LAMB4: variants seen among roughly 807,000 people sequenced by gnomAD.
The protein encoded by LAMB4 is laminin subunit beta 4.
LAMB4 carries 196 observed loss-of-function variants against 199.2 expected under a neutral mutation model. That is an observed-to-expected ratio of 0.98 (90% confidence interval 0.88 to 1.11). LAMB4 has a LOEUF of 1.11. Among genes scored for constraint, LAMB4 ranks in the 50% least tolerant of loss-of-function variants. The pLI is 0.00. For missense variants in LAMB4, 2,080 were observed against 2,171.2 expected, an observed-to-expected ratio of 0.96 and a Z score of 0.83; for synonymous variants, 744 against 770.6, an observed-to-expected ratio of 0.97 and a Z score of 0.57.
intron 14 of LAMB4, among the ~76,000 whole-genome samples, chr7:108,091,010 C>T (rs978102722): frequency 4.6e-5 from 7 of 152,046 alleles, no homozygotes; most frequent in African/African-American, 1.4e-4. Context: ...AGAATTAGTC[C>T]CCCTTGTTTT....
the LAMB4 span, among the ~76,000 whole-genome samples, chr7:108,017,211 G>T: frequency 2.0e-3 from 301 of 152,258 alleles, 1 homozygote; most frequent in African/African-American, 7.1e-3. Flanking sequence ...TTAGGGAGGG[G>T]GAAGCCTTCT....
chr7:108,085,392 C>T (rs1185928581), intron 14 of LAMB4, among the ~76,000 whole-genome samples: 4 of 152,096 alleles, frequency 2.6e-5, no homozygotes, highest in Non-Finnish European at 2.9e-5. Context: ...TGGCACTGCA[C>T]TCTGCAAAGA....
rs909186204 is a variant in LAMB4 at position 108,049,503 on chromosome 7, A to G, written c.3945T>C (p.Tyr1315=). 1 of 1,605,960 alleles carries G rather than the reference A, an allele frequency of 6.2e-7. No homozygotes were observed. Among genetic ancestry groups the G allele is most frequent in the East Asian group, 2.2e-5 (1 of 44,634 alleles). Residue 1315 remains tyrosine, a synonymous_variant, in exon 27 of 34, where the codon TAT becomes TAC. Coordinates refer to ENST00000388781, the MANE Select transcript of LAMB4 (RefSeq NM_007356.3). Reference sequence around the variant, plus strand: ...TCTTTTCAGCAGATGATGATATGTGATAATATTTCTTGATGTTTTCTGAGG... The same window carrying G: ...TCTTTTCAGCAGATGATGATATGTGGTAATATTTCTTGATGTTTTCTGAGG... ...ADSSENIKKY[Y]HISSSAEKKI... is the part of the protein sequence containing the mutation.
chr7:108,088,122 G>T (rs1165428363), intron 14 of LAMB4, among the ~76,000 whole-genome samples: 3 of 151,316 alleles, frequency 2.0e-5, no homozygotes, highest in Non-Finnish European at 4.4e-5. Context: ...CTTCCTTGTT[G>T]CTGGAAATAC....
At position 108,062,872 on chromosome 7, in the gene LAMB4, C is replaced by A; in HGVS notation, c.3184G>T (p.Asp1062Tyr). 2 of 1,597,134 alleles carry A rather than the reference C, an allele frequency of 1.3e-6. No individual in the cohort carries two copies. The highest frequency in any genetic ancestry group is 2.3e-5 in the South Asian group (2 of 87,906). The change falls in exon 23 of 34, where the codon GAC becomes TAC. Residue 1062 changes from aspartate (D) to tyrosine (Y), a missense_variant. Physicochemically the swap from Asp to Tyr is radical, Grantham distance 160. Transcript: ENST00000388781. ...CLPNVTGLACDRCADGYWNLV... is the reference protein window; with the variant it reads ...CLPNVTGLACYRCADGYWNLV... ...TTCCAGTATCCATCAGCACAACGGT[C>A]ACAGGCCAGGCCTGTGACATTCGGC...
At chr7:108,084,178 G>A (rs1287135021) in intron 14 of LAMB4, among the ~76,000 whole-genome samples, 3 of 152,222 alleles carry the variant, frequency 2.0e-5, no homozygotes, top group Non-Finnish European at 4.4e-5. Flanking sequence ...GTAGAGAGGA[G>A]GGAGGGAGAT....
At chr7:108,027,939 C>T (rs565368396) in intron 33 of LAMB4, among the ~76,000 whole-genome samples, 16 of 152,234 alleles carry the variant, frequency 1.1e-4, no homozygotes, top group East Asian at 9.7e-4. Flanking sequence ...TGTGCCACCA[C>T]GCCTGGCTAA....
At chr7:108,081,300 C>T (rs1584705651) in intron 14 of LAMB4, among the ~76,000 whole-genome samples, 1 of 152,118 alleles carries the variant, frequency 6.6e-6, no homozygotes, top group Non-Finnish European at 1.5e-5. Flanking sequence ...CCAGCCAACA[C>T]AGCCTCTGGG....
At chr7:108,103,743 C>A (rs2037899516) in intron 9 of LAMB4, among the ~76,000 whole-genome samples, 1 of 152,274 alleles carries the variant, frequency 6.6e-6, no homozygotes, top group South Asian at 2.1e-4. Flanking sequence ...GAGGGAAAGG[C>A]AGTCTGTTTG....
intron 28 of LAMB4, among the ~76,000 whole-genome samples, chr7:108,044,437 T>C (rs1307589369): frequency 6.6e-6 from 1 of 152,196 alleles, no homozygotes; most frequent in African/African-American, 2.4e-5. Flanking sequence ...CTTTGTACTC[T>C]TGGTAGAGGA....
intron 18 of LAMB4, among the ~76,000 whole-genome samples, chr7:108,068,516 A>G (rs534109984): frequency 7.5e-6 from 1 of 133,430 alleles, no homozygotes; most frequent in South Asian, 2.1e-4. Context: ...AATTATACCT[A>G]CTACTTTATT....
At chr7:108,115,980 C>A in intron 3 of LAMB4, 24 bp downstream of exon 3, 3 of 1,602,224 alleles carry the variant, frequency 1.9e-6, no homozygotes, top group Non-Finnish European at 1.7e-6. Context: ...AATGTCCCAG[C>A]AAATAAACAA....
In LAMB4 at chr7:108,043,846, C is replaced by T. The variant is rs1563041354; in HGVS notation, c.4377G>A (p.Gln1459=). 3 of 1,609,074 alleles carry T rather than the reference C, an allele frequency of 1.9e-6. No individual in the cohort carries two copies. The East Asian group carries it at 6.7e-5, about 36-fold the overall frequency. The change falls in exon 29 of 34, where the codon CAG becomes CAA. Residue 1459 remains glutamine, a synonymous_variant. Transcript: ENST00000388781. ...QAEVSKNNAL[Q]LREKLGNIRN... ...TTATATTTCCCAGTTTTTCCCTCAG[C>T]TGTAAGGCATTGTTTTTGGAGACTT...
intron 10 of LAMB4, among the ~76,000 whole-genome samples, chr7:108,101,867 A>G (rs535176146): frequency 6.6e-6 from 1 of 152,310 alleles, no homozygotes; most frequent in African/African-American, 2.4e-5. Flanking sequence ...GAAAATGCAA[A>G]TTAAAACAAT....
At chr7:108,043,710 G>GA (rs760027537) in intron 29 of LAMB4, 42 bp downstream of exon 29, 5 of 1,394,794 alleles carry the variant, frequency 3.6e-6, no homozygotes, top group East Asian at 4.9e-5. Context: ...ATTAAAAAGG[G>GA]AAAAAAACAA....
At chr7:108,126,086 G>A (rs550179881) in intron 1 of LAMB4, among the ~76,000 whole-genome samples, 4 of 152,336 alleles carry the variant, frequency 2.6e-5, no homozygotes, top group African/African-American at 7.2e-5. Context: ...GCTATGTGAA[G>A]AGATAAATGA....
chr7:108,124,699 T>G (rs1036889271), intron 1 of LAMB4, among the ~76,000 whole-genome samples: 1 of 152,060 alleles, frequency 6.6e-6, no homozygotes, highest in African/African-American at 2.4e-5. Context: ...TTTATTTGAA[T>G]AGTAGGAAAT....
In LAMB4 at chr7:108,063,116, C is replaced by A. The variant is rs532419879; in HGVS notation, c.3062-122G>T. 1.8e-5 allele frequency: 10 copies of A among 551,472 alleles called. No homozygotes were observed. In the East Asian group the frequency reaches 2.9e-4, roughly 16 times the overall value. The allele number at this position is 551,472 out of a possible 1,614,324, so 34.2% of individuals were successfully genotyped here. A position where few individuals can be genotyped will look rare whatever the true frequency, so the allele number is the denominator to read the frequency against. On this transcript the variant is annotated intron_variant, in intron 22 of 33. Coordinates refer to ENST00000388781, the MANE Select transcript of LAMB4 (RefSeq NM_007356.3). ...CTCCAAGGGGCTCAAAGAATGAACG[C>A]CTTATAATAGTAAAGAATTTACCAA...
At chr7:108,064,483 G>T (rs1264390999) in intron 21 of LAMB4, among the ~76,000 whole-genome samples, 2 of 152,098 alleles carry the variant, frequency 1.3e-5, no homozygotes, top group Admixed American at 1.3e-4. Context: ...AGCCCTTGAG[G>T]GTGTTTCTGT....
Sources: allele counts gnomAD v4.1 joint callset (sites outside exome capture counted in the v4.1 genomes callset), GRCh38; gene constraint gnomAD v4.1.1; transcripts MANE v1.5; gene names NCBI Gene and HGNC (gene_info 2026-07-23, HGNC 2026-07-21).